The following LRRC72 variants were observed in gnomAD, a reference collection of about 807,000 sequenced individuals.
LRRC72 encodes leucine rich repeat containing 72.
A neutral mutation model predicts 35.8 loss-of-function variants in LRRC72; 41 were observed. The observed-to-expected ratio is 1.15, with a 90% CI of 0.89 to 1.49. LRRC72 has a LOEUF of 1.49. Among genes scored for constraint, LRRC72 ranks in the 40% most tolerant of loss-of-function variants. The pLI, the probability that LRRC72 is intolerant of heterozygous loss-of-function variation, is 0.00. For synonymous variants in LRRC72, 118 were observed against 119.2 expected, an observed-to-expected ratio of 0.99 and a Z score of 0.07; for missense variants, 389 against 330.7, an observed-to-expected ratio of 1.18 and a Z score of -1.37.
intron 3 of LRRC72, among the ~76,000 whole-genome samples, chr7:16,552,477 G>A (rs1782569830): frequency 6.6e-6 from 1 of 152,204 alleles, no homozygotes; most frequent in Non-Finnish European, 1.5e-5. Flanking sequence ...ACGGAATGCT[G>A]AAAGGAAGAG....
Position 16,567,416 on chromosome 7 carries a change from A to G in LRRC72, c.543A>G (p.Ser181=). The G allele has an allele frequency of 6.7e-7, 1 of 1,503,376 alleles. No individual in the cohort carries two copies. Among genetic ancestry groups the G allele is most frequent in the Non-Finnish European group, 8.9e-7 (1 of 1,127,310 alleles). The allele number at this position is 1,503,376 out of a possible 1,614,324, so 93.1% of individuals were successfully genotyped here. A position where few individuals can be genotyped will look rare whatever the true frequency, so the allele number is the denominator to read the frequency against. The change falls in exon 7 of 9, where the codon TCA becomes TCG. Residue 181 remains serine (S), a synonymous_variant. Transcript: ENST00000401542. ...RNQVTEKERR[S]MITIFNHKKA... The stretch of plus-strand genomic sequence containing the variant: ...AAGTTACAGAAAAAGAAAGAAGATC[A>G]ATGATTACCATTTTTAACCATAAAA...
At chr7:16,568,358 T>G (rs1356409395) in intron 7 of LRRC72, among the ~76,000 whole-genome samples, 1 of 152,134 alleles carries the variant, frequency 6.6e-6, no homozygotes, top group African/African-American at 2.4e-5. Context: ...CAACATACAT[T>G]TTTAAAAAAC....
intron 7 of LRRC72, among the ~76,000 whole-genome samples, chr7:16,570,053 A>AT (rs904468781): frequency 1.3e-5 from 2 of 151,972 alleles, no homozygotes; most frequent in African/African-American, 4.8e-5. Flanking sequence ...AAAAAAAAAA[A>AT]GAATTCACAT....
chr7:16,545,825 G>C (rs778646374), intron 3 of LRRC72, among the ~76,000 whole-genome samples: 3 of 152,066 alleles, frequency 2.0e-5, no homozygotes, highest in Non-Finnish European at 2.9e-5. Context: ...TACATATCTA[G>C]TTATGTTTTT....
chr7:16,547,044 C>T (rs991406575), intron 3 of LRRC72, among the ~76,000 whole-genome samples: 3 of 152,122 alleles, frequency 2.0e-5, no homozygotes, highest in African/African-American at 7.2e-5. Context: ...AGGCAGCCAA[C>T]TGCACCACCT....
At chr7:16,572,389 G>T (rs1398291431) in intron 7 of LRRC72, among the ~76,000 whole-genome samples, 4 of 152,102 alleles carry the variant, frequency 2.6e-5, no homozygotes, top group Non-Finnish European at 5.9e-5. Flanking sequence ...ACGAACATCA[G>T]TGCAAAAATC....
intron 7 of LRRC72, among the ~76,000 whole-genome samples, chr7:16,576,218 A>T (rs1367310036): frequency 6.6e-6 from 1 of 152,222 alleles, no homozygotes; most frequent in African/African-American, 2.4e-5. Flanking sequence ...TTAAGCAAAC[A>T]TTTGTAATAA....
At chr7:16,533,554 A>C (rs1395145573) in intron 2 of LRRC72, among the ~76,000 whole-genome samples, 3 of 152,042 alleles carry the variant, frequency 2.0e-5, no homozygotes, top group Non-Finnish European at 4.4e-5. Context: ...GCTCATATGT[A>C]ATCTTTGGAA....
At chr7:16,545,429 T>C (rs1782428895) in intron 3 of LRRC72, among the ~76,000 whole-genome samples, 1 of 152,216 alleles carries the variant, frequency 6.6e-6, no homozygotes, top group Non-Finnish European at 1.5e-5. Context: ...CTTTTTCAGG[T>C]AGCTTTACAA....
intron 3 of LRRC72, among the ~76,000 whole-genome samples, chr7:16,551,615 A>G (rs1197948442): frequency 6.6e-6 from 1 of 152,172 alleles, no homozygotes. Context: ...TACAAATCCT[A>G]AAAGACTGGG....
At chr7:16,533,792 G>A (rs1024539101) in intron 2 of LRRC72, among the ~76,000 whole-genome samples, 8 of 152,076 alleles carry the variant, frequency 5.3e-5, no homozygotes, top group African/African-American at 1.7e-4. Flanking sequence ...TTTTTAGTAT[G>A]GAACAGGTAT....
At chr7:16,556,735 G>A (rs1463965845) in intron 3 of LRRC72, among the ~76,000 whole-genome samples, 1 of 152,202 alleles carries the variant, frequency 6.6e-6, no homozygotes, top group East Asian at 1.9e-4. Context: ...GGGTCAATAG[G>A]GCAAAAAGAC....
intron 1 of LRRC72, 136 bp from the exon 2 acceptor site, chr7:16,532,359 T>G: frequency 9.7e-6 from 6 of 617,124 alleles, no homozygotes; most frequent in Non-Finnish European, 1.7e-5. Context: ...GCCTTGGAAT[T>G]TATCAGTTTA....
intron 7 of LRRC72, among the ~76,000 whole-genome samples, chr7:16,572,380 C>T (rs968544912): frequency 5.3e-5 from 8 of 152,262 alleles, no homozygotes; most frequent in African/African-American, 1.2e-4. Flanking sequence ...ATATCCCTGA[C>T]GAACATCAGT....
intron 3 of LRRC72, among the ~76,000 whole-genome samples, chr7:16,556,123 TAC>T (rs1782645938): frequency 6.6e-6 from 1 of 152,142 alleles, no homozygotes; most frequent in Non-Finnish European, 1.5e-5. Flanking sequence ...ATTTCTGACA[TAC>T]AGTTTAGCAT....
intron 3 of LRRC72, among the ~76,000 whole-genome samples, chr7:16,541,377 T>A (rs541266707): frequency 6.6e-6 from 1 of 152,358 alleles, no homozygotes; most frequent in Non-Finnish European, 1.5e-5. Context: ...ACTGAATCTG[T>A]AAACAGCCAT....
intron 4 of LRRC72, 47 bp downstream of exon 4, chr7:16,557,488 A>G: frequency 1.4e-6 from 1 of 718,948 alleles, no homozygotes; most frequent in Non-Finnish European, 2.0e-6. Context: ...CAATTAAGTA[A>G]TAACTTTCAA....
chr7:16,558,831 A>G (rs1782695055), intron 4 of LRRC72, 58 bp from the exon 5 acceptor site: 7 of 1,091,714 alleles, frequency 6.4e-6, no homozygotes, highest in Non-Finnish European at 7.5e-6. Flanking sequence ...TATTTGCAAT[A>G]AAAAAATAAA....
intron 7 of LRRC72, among the ~76,000 whole-genome samples, chr7:16,573,601 A>G (rs1782986491): frequency 6.6e-6 from 1 of 152,242 alleles, no homozygotes; most frequent in Non-Finnish European, 1.5e-5. Flanking sequence ...GGCTAGCCAT[A>G]TGCAGAAAAC....
Sources: gnomAD v4.1 joint callset for allele counts (sites outside exome capture counted in the v4.1 genomes callset) on GRCh38, gnomAD v4.1.1 for gene constraint, MANE v1.5 for transcripts, NCBI Gene and HGNC (gene_info 2026-07-23, HGNC 2026-07-21) for gene names.